Variants in GRID2 observed in about 807,000 individuals in gnomAD.
The protein encoded by GRID2 is glutamate ionotropic receptor delta type subunit 2, also known as glutamate receptor ionotropic, delta-2.
GRID2 carries 33 observed loss-of-function variants against 114.8 expected under a neutral mutation model. The ratio of observed to expected loss-of-function variants is 0.29; its 90% CI spans 0.22 to 0.38. GRID2 has a LOEUF of 0.38. Among genes scored for constraint, GRID2 ranks in the 10% least tolerant of loss-of-function variants. The pLI, the probability that GRID2 is intolerant of heterozygous loss-of-function variation, is 1.00. For missense variants in GRID2, 1,184 were observed against 1,257.7 expected, an observed-to-expected ratio of 0.94 and a Z score of 0.89; for synonymous variants, 505 against 449.9, an observed-to-expected ratio of 1.12 and a Z score of -1.55.
intron 2 of GRID2, among the ~76,000 whole-genome samples, chr4:92,634,336 G>A (rs1161636583): frequency 1.3e-5 from 2 of 152,118 alleles, no homozygotes; most frequent in Non-Finnish European, 2.9e-5. Context: ...TGTCAGAGCT[G>A]AATATTGTAA....
At chr4:92,683,636 T>C (rs1733757605) in intron 2 of GRID2, among the ~76,000 whole-genome samples, 1 of 151,878 alleles carries the variant, frequency 6.6e-6, no homozygotes, top group South Asian at 2.1e-4. Flanking sequence ...CATTATATAG[T>C]TATCTTTAGT....
intron 1 of GRID2, among the ~76,000 whole-genome samples, chr4:92,567,991 T>C (rs1292844884): frequency 6.6e-6 from 1 of 151,860 alleles, no homozygotes; most frequent in Non-Finnish European, 1.5e-5. Flanking sequence ...CCATATAAAC[T>C]ATGAAGTAAA....
intron 13 of GRID2, among the ~76,000 whole-genome samples, chr4:93,577,975 A>C (rs1736580724): frequency 6.6e-6 from 1 of 152,248 alleles, no homozygotes; most frequent in Non-Finnish European, 1.5e-5. Flanking sequence ...TTACAGAGGC[A>C]GAGTAAGATT....
In GRID2 at chr4:93,773,478, T is replaced by A. The variant is rs377545459; in HGVS notation, c.*980T>A. The A allele has an allele frequency of 6.6e-6, 1 of 152,322 alleles. No homozygotes were observed. Among genetic ancestry groups the A allele is most frequent in the East Asian group, 1.9e-4 (1 of 5,194 alleles). 9.4% of individuals were successfully genotyped at this position (152,322 alleles called of 1,614,324 possible). A position where few individuals can be genotyped will look rare whatever the true frequency, so the allele number is the denominator to read the frequency against. ...GGGCAATTTAATATTTGTTCCTAGA[T>A]GTAACTCATTTGAATAGGTTTTGCA... On this transcript the variant is annotated 3_prime_UTR_variant, in exon 16 of 16. Coordinates refer to ENST00000282020, the MANE Select transcript of GRID2 (RefSeq NM_001510.4).
intron 14 of GRID2, among the ~76,000 whole-genome samples, chr4:93,766,179 ATTCT>A (rs1322550237): frequency 1.3e-5 from 2 of 152,162 alleles, no homozygotes; most frequent in Non-Finnish European, 2.9e-5. Flanking sequence ...ATGAAGGAAA[ATTCT>A]TACACTTTCA....
chr4:93,079,398 CT>C, intron 2 of GRID2, among the ~76,000 whole-genome samples: 1 of 151,290 alleles, frequency 6.6e-6, no homozygotes, highest in East Asian at 1.9e-4. Context: ...TCTTTCTTTT[CT>C]TTTTTTCTTT....
At chr4:93,496,533 C>A (rs536020050) in intron 12 of GRID2, among the ~76,000 whole-genome samples, 12 of 151,868 alleles carry the variant, frequency 7.9e-5, no homozygotes, top group Admixed American at 6.6e-4. Flanking sequence ...GTCACATTCA[C>A]CCTTCCTTAC....
At chr4:93,242,313 AGGGAGGGCTAT>A (rs1481907541) in intron 8 of GRID2, among the ~76,000 whole-genome samples, 1 of 87,560 alleles carries the variant, frequency 1.1e-5, no homozygotes, top group South Asian at 3.0e-4. Flanking sequence ...AAGAAATGCC[AGGGAGGGCTAT>A]TGGCTCACAT....
chr4:92,992,291 T>C (rs1754955497), intron 2 of GRID2, among the ~76,000 whole-genome samples: 1 of 152,170 alleles, frequency 6.6e-6, no homozygotes, highest in Non-Finnish European at 1.5e-5. Flanking sequence ...GTGATGTCTC[T>C]GAGAATGGAT....
chr4:93,364,028 T>C (rs964779778), intron 8 of GRID2, among the ~76,000 whole-genome samples: 1 of 152,066 alleles, frequency 6.6e-6, no homozygotes, highest in African/African-American at 2.4e-5. Context: ...TATATATATG[T>C]GTGTTGTATT....
intron 2 of GRID2, among the ~76,000 whole-genome samples, chr4:93,043,762 G>A (rs756884408): frequency 4.6e-5 from 7 of 151,762 alleles, no homozygotes; most frequent in South Asian, 4.2e-4. Context: ...GGGGCCTGTC[G>A]TGGGGTGGGG....
At chr4:92,550,246 CATAG>C (rs1430877259) in intron 1 of GRID2, among the ~76,000 whole-genome samples, 2 of 152,048 alleles carry the variant, frequency 1.3e-5, no homozygotes, top group African/African-American at 4.8e-5. Flanking sequence ...AATATGAACA[CATAG>C]ATTATATTTT....
chr4:93,288,430 C>T (rs1478353629), intron 8 of GRID2, among the ~76,000 whole-genome samples: 2 of 152,106 alleles, frequency 1.3e-5, no homozygotes, highest in Non-Finnish European at 2.9e-5. Context: ...TATGCACTTC[C>T]TGGGGCATTC....
intron 1 of GRID2, among the ~76,000 whole-genome samples, chr4:92,584,341 G>A (rs1447562130): frequency 6.6e-6 from 1 of 151,906 alleles, no homozygotes; most frequent in Admixed American, 6.6e-5. Flanking sequence ...TGCTTACAGT[G>A]CAACTAACGT....
intron 1 of GRID2, among the ~76,000 whole-genome samples, chr4:92,446,253 C>G (rs1733465382): frequency 6.6e-6 from 1 of 152,068 alleles, no homozygotes; most frequent in Non-Finnish European, 1.5e-5. Context: ...GGCTTTATCC[C>G]ATATTTGATT....
At chr4:93,421,036 T>C (rs1320046227) in intron 9 of GRID2, among the ~76,000 whole-genome samples, 1 of 152,104 alleles carries the variant, frequency 6.6e-6, no homozygotes, top group Non-Finnish European at 1.5e-5. Flanking sequence ...ATTTCTTTCT[T>C]TCTTTCTTAC....
At chr4:93,542,421 A>G (rs1037218444) in intron 13 of GRID2, among the ~76,000 whole-genome samples, 6 of 152,206 alleles carry the variant, frequency 3.9e-5, no homozygotes, top group Non-Finnish European at 8.8e-5. Context: ...GAAGCTAGCC[A>G]TAACTCCAAC....
intron 1 of GRID2, among the ~76,000 whole-genome samples, chr4:92,502,116 TAA>T (rs1487970302): frequency 6.6e-6 from 1 of 152,074 alleles, no homozygotes; most frequent in Non-Finnish European, 1.5e-5. Context: ...TTTAAAAAAA[TAA>T]AAGACTAAAA....
intron 13 of GRID2, among the ~76,000 whole-genome samples, chr4:93,518,635 A>C (rs996961434): frequency 2.0e-5 from 3 of 152,150 alleles, no homozygotes; most frequent in Non-Finnish European, 4.4e-5. Flanking sequence ...AGAATTGTTA[A>C]GGAGAAAAAA....
Sources: allele counts gnomAD v4.1 joint callset (sites outside exome capture counted in the v4.1 genomes callset), GRCh38; gene constraint gnomAD v4.1.1; transcripts MANE v1.5; gene names NCBI Gene and HGNC (gene_info 2026-07-23, HGNC 2026-07-21).